The following TUSC3 variants were observed in gnomAD, a reference collection of about 807,000 sequenced individuals.
The protein encoded by TUSC3 is dolichyl-diphosphooligosaccharide--protein glycosyltransferase subunit TUSC3.
A neutral mutation model predicts 44.8 loss-of-function variants in TUSC3; 45 were observed. The observed-to-expected ratio is 1.00, with a 90% confidence interval of 0.79 to 1.29. The LOEUF is 1.29. Among genes scored for constraint, TUSC3 ranks in the 50% most tolerant of loss-of-function variants. The pLI, the probability that TUSC3 is intolerant of heterozygous loss-of-function variation, is 0.00. For missense variants in TUSC3, 519 were observed against 437.9 expected, an observed-to-expected ratio of 1.19 and a Z score of -1.65; for synonymous variants, 212 against 152.9, an observed-to-expected ratio of 1.39 and a Z score of -2.85.
chr8:15,658,116 G>A (rs548406429), intron 3 of TUSC3, among the ~76,000 whole-genome samples: 1 of 152,066 alleles, frequency 6.6e-6, no homozygotes, highest in African/African-American at 2.4e-5. Flanking sequence ...GTTTTGGCGG[G>A]GACAAACATT....
chr8:15,588,568 A>G (rs930712811), intron 1 of TUSC3, among the ~76,000 whole-genome samples: 8 of 151,910 alleles, frequency 5.3e-5, no homozygotes, highest in Non-Finnish European at 4.4e-5. Flanking sequence ...TATGTAGTCC[A>G]ATTTGTCTAT....
At chr8:15,586,638 G>A (rs1251560260) in intron 1 of TUSC3, among the ~76,000 whole-genome samples, 1 of 152,116 alleles carries the variant, frequency 6.6e-6, no homozygotes, top group African/African-American at 2.4e-5. Context: ...AAACTGAGGA[G>A]ATTAATGCAA....
intron 3 of TUSC3, among the ~76,000 whole-genome samples, chr8:15,654,356 A>G (rs1807056381): frequency 6.6e-6 from 1 of 152,188 alleles, no homozygotes; most frequent in Non-Finnish European, 1.5e-5. Context: ...AGTTTAAGGA[A>G]CGTTGCTAAA....
chr8:15,566,057 G>GT (rs1563292803), intron 1 of TUSC3, among the ~76,000 whole-genome samples: 1 of 152,004 alleles, frequency 6.6e-6, no homozygotes, highest in African/African-American at 2.4e-5. Flanking sequence ...CATTTTCCTT[G>GT]TTTTTTCTGT....
intron 2 of TUSC3, among the ~76,000 whole-genome samples, chr8:15,645,787 C>G (rs957794587): frequency 1.6e-4 from 25 of 151,996 alleles, no homozygotes; most frequent in African/African-American, 5.8e-4. Flanking sequence ...TGATAGTACA[C>G]AGATGTAAAA....
chr8:15,582,933 T>C (rs866538566), intron 1 of TUSC3, among the ~76,000 whole-genome samples: 1 of 152,234 alleles, frequency 6.6e-6, no homozygotes, highest in Non-Finnish European at 1.5e-5. Context: ...TCAGTCTGTA[T>C]ATACCTCAAA....
At chr8:15,660,627 A>G (rs189506250) in intron 4 of TUSC3, among the ~76,000 whole-genome samples, 2 of 151,948 alleles carry the variant, frequency 1.3e-5, no homozygotes, top group African/African-American at 4.8e-5. Flanking sequence ...TTCTGAGTCA[A>G]GGTGGTAATT....
intron 1 of TUSC3, among the ~76,000 whole-genome samples, chr8:15,609,281 T>G (rs1214221186): frequency 6.6e-6 from 1 of 152,168 alleles, no homozygotes; most frequent in Non-Finnish European, 1.5e-5. Context: ...CAATGACTTC[T>G]AAAGCAGTGC....
chr8:15,472,721 T>A (rs1376068279), intron 1 of TUSC3, among the ~76,000 whole-genome samples: 2 of 152,218 alleles, frequency 1.3e-5, no homozygotes, highest in Non-Finnish European at 2.9e-5. Flanking sequence ...TAATTATAAA[T>A]GTTTTATTTC....
chr8:15,849,732 C>G, the TUSC3 span, among the ~76,000 whole-genome samples: 4 of 152,034 alleles, frequency 2.6e-5, no homozygotes, highest in African/African-American at 7.2e-5. Flanking sequence ...TAGTGCCTAT[C>G]AACTCAGTGA....
At chr8:15,602,698 A>G (rs3070903) in intron 1 of TUSC3, among the ~76,000 whole-genome samples, 30,986 of 129,688 alleles carry the variant, frequency 0.24, 3,231 homozygotes, top group East Asian at 0.36. Context: ...GTGTGTGTGT[A>G]TATATGTGTA....
intron 6 of TUSC3, among the ~76,000 whole-genome samples, chr8:15,693,786 G>A (rs532295309): frequency 2.0e-4 from 31 of 152,102 alleles, no homozygotes; most frequent in East Asian, 5.8e-4. Context: ...CCAGTGAGTC[G>A]TAGATTTGGT....
At chr8:15,741,455 TC>T (rs1585290209) in intron 7 of TUSC3, among the ~76,000 whole-genome samples, 2 of 152,254 alleles carry the variant, frequency 1.3e-5, no homozygotes, top group East Asian at 3.9e-4. Context: ...ACAACTGTAA[TC>T]CCAGCACTTT....
At chr8:15,715,598 A>G (rs1810025470) in intron 6 of TUSC3, among the ~76,000 whole-genome samples, 1 of 152,124 alleles carries the variant, frequency 6.6e-6, no homozygotes, top group Non-Finnish European at 1.5e-5. Flanking sequence ...GGAATTTTCC[A>G]TTGAATATTT....
intron 2 of TUSC3, among the ~76,000 whole-genome samples, chr8:15,625,751 T>G (rs1179790435): frequency 6.6e-6 from 1 of 152,112 alleles, no homozygotes; most frequent in Non-Finnish European, 1.5e-5. Context: ...GGAATGAGAG[T>G]GTTCTAAAAT....
Position 15,618,395 on chromosome 8 carries a change from C to G in TUSC3, c.139-4685C>G, listed in dbSNP as rs117325309. Among the ~76,000 whole-genome samples the G allele has an allele frequency of 9.5e-4, 145 of 152,206 alleles. 2 individuals carry two copies. Among genetic ancestry groups the G allele is most frequent in the Admixed American group, 2.0e-3 (30 of 15,278 alleles). The stretch of plus-strand genomic sequence containing the variant: ...AAAATATTTTCTTTATATCCTTATT[C>G]TGTAAGCTTTTTTCTGATTTTTTAA... On this transcript the variant is annotated intron_variant, in intron 1 of 10. Transcript: ENST00000503731.
chr8:15,715,148 C>T (rs973121603), intron 6 of TUSC3, among the ~76,000 whole-genome samples: 1 of 152,002 alleles, frequency 6.6e-6, no homozygotes. Context: ...CCACCCTAAT[C>T]CAAGACCATC....
At chr8:15,744,012 G>A (rs891554786) in intron 8 of TUSC3, among the ~76,000 whole-genome samples, 1 of 152,182 alleles carries the variant, frequency 6.6e-6, no homozygotes, top group Non-Finnish European at 1.5e-5. Flanking sequence ...CGCTCAAAGC[G>A]TGACTTAGAT....
At chr8:15,720,201 T>TACACACACACAC (rs60082069) in intron 6 of TUSC3, among the ~76,000 whole-genome samples, 4,075 of 141,296 alleles carry the variant, frequency 0.029, 86 homozygotes, top group East Asian at 0.072. Context: ...TATATATATA[T>TACACACACACAC]ACACACACAC....
Sources: gnomAD v4.1 joint callset for allele counts (sites outside exome capture counted in the v4.1 genomes callset) on GRCh38, gnomAD v4.1.1 for gene constraint, MANE v1.5 for transcripts, NCBI Gene and HGNC (gene_info 2026-07-23, HGNC 2026-07-21) for gene names.